Variants in RCOR1 observed in about 807,000 individuals in gnomAD.
RCOR1 encodes the protein REST corepressor 1, also known as REST corepressor.
In RCOR1, 12 loss-of-function variants were observed where a neutral mutation model predicts 64.0. The observed-to-expected ratio is 0.19, with a 90% CI of 0.12 to 0.30. The LOEUF (loss-of-function observed/expected upper bound fraction) is 0.30. RCOR1 is among the 10% of genes least tolerant of loss of function. RCOR1 has a pLI of 1.00. For synonymous variants in RCOR1, 279 were observed against 227.2 expected (o/e 1.23, Z -2.05); for missense variants, 502 against 621.2 (o/e 0.81, Z 2.04).
intron 4 of RCOR1, among the ~76,000 whole-genome samples, chr14:102,702,706 A>G (rs777035638): frequency 7.8e-4 from 118 of 152,168 alleles, no homozygotes; most frequent in Admixed American, 1.6e-3. Context: ...CAAGCCTACA[A>G]CCAAAAGAAA....
At chr14:102,694,699 G>A (rs1009480046) in intron 3 of RCOR1, among the ~76,000 whole-genome samples, 2 of 152,180 alleles carry the variant, frequency 1.3e-5, no homozygotes, top group African/African-American at 4.8e-5. Context: ...GAGAGGGAGC[G>A]TTCAGATGTT....
rs1243458495 is a variant in RCOR1, at chr14:102,592,662, T to G, written c.-225T>G. ...CCCGGAGTAGTTGGTGCCAGTGAAG[T>G]GAGGGCGGCGATGAGAGCGAAAGTT... On this transcript the variant is annotated 5_prime_UTR_variant, in exon 1 of 12. Transcript: ENST00000262241. 8.2e-7 allele frequency: 1 copy of G among 1,226,216 alleles called. No homozygotes were observed. The highest frequency in any genetic ancestry group is 1.6e-5 in the African/African-American group (1 of 63,668). 76.0% of individuals were successfully genotyped at this position (1,226,216 alleles called of 1,614,324 possible).
At chr14:102,682,822 T>C (rs74082490) in intron 3 of RCOR1, among the ~76,000 whole-genome samples, 3,191 of 152,312 alleles carry the variant, frequency 0.021, 111 homozygotes, top group African/African-American at 0.073. Flanking sequence ...AGGAAGATTT[T>C]TTCTCTGTTT....
chr14:102,680,200 A>T (rs1195173139), intron 2 of RCOR1, among the ~76,000 whole-genome samples: 1 of 152,098 alleles, frequency 6.6e-6, no homozygotes, highest in Non-Finnish European at 1.5e-5. Flanking sequence ...GTATATAGAA[A>T]TAGAATTGAC....
At chr14:102,668,476 A>G (rs919517481) in intron 2 of RCOR1, among the ~76,000 whole-genome samples, 4 of 152,194 alleles carry the variant, frequency 2.6e-5, no homozygotes, top group Admixed American at 1.3e-4. Flanking sequence ...GGGTAATACA[A>G]TACAAAGTAA....
In RCOR1 at chr14:102,593,341, G is replaced by C; in HGVS notation, c.361+16G>C. On this transcript the variant is annotated intron_variant, in intron 2 of 11. Transcript: ENST00000262241. ...TTCGACCCCGGTGAGTAGCGGCCCCGGCCGGCCGGCGGCGGGGATGAGCGG... is the reference window on the plus strand; with the variant it reads ...TTCGACCCCGGTGAGTAGCGGCCCCCGCCGGCCGGCGGCGGGGATGAGCGG... 2 of 1,526,898 alleles carry C rather than the reference G, an allele frequency of 1.3e-6. No homozygotes were observed. Among genetic ancestry groups the C allele is most frequent in the Non-Finnish European group, 1.7e-6 (2 of 1,145,418 alleles). The allele number at this position is 1,526,898 out of a possible 1,614,324, so 94.6% of individuals were successfully genotyped here.
intron 2 of RCOR1, among the ~76,000 whole-genome samples, chr14:102,651,420 GCGGGTGC>G (rs1894587802): frequency 1.3e-5 from 2 of 152,084 alleles, no homozygotes; most frequent in African/African-American, 4.8e-5. Context: ...GGGCGTGGTG[GCGGGTGC>G]CTGTAATCCC....
chr14:102,647,742 G>A (rs896015418), intron 2 of RCOR1, among the ~76,000 whole-genome samples: 2 of 152,160 alleles, frequency 1.3e-5, no homozygotes, highest in African/African-American at 4.8e-5. Context: ...CCAGTGGCAA[G>A]ATCTCCACTC....
intron 2 of RCOR1, among the ~76,000 whole-genome samples, chr14:102,601,371 G>A (rs1233060737): frequency 6.6e-6 from 1 of 152,150 alleles, no homozygotes; most frequent in Admixed American, 6.5e-5. Context: ...CCTCATTCCC[G>A]CCTTCTTTCT....
chr14:102,724,684 T>C (rs1456142506), intron 11 of RCOR1, among the ~76,000 whole-genome samples: 1 of 152,218 alleles, frequency 6.6e-6, no homozygotes, highest in East Asian at 1.9e-4. Context: ...ACCCCTGCCC[T>C]GCCACCTAGT....
chr14:102,676,787 C>T (rs1895174605), intron 2 of RCOR1, among the ~76,000 whole-genome samples: 1 of 91,116 alleles, frequency 1.1e-5, no homozygotes, highest in Non-Finnish European at 2.2e-5. Context: ...GGGGTCCTCA[C>T]TTCCCAGTAG....
At chr14:102,607,265 G>C (rs1041658484) in intron 2 of RCOR1, among the ~76,000 whole-genome samples, 2 of 152,112 alleles carry the variant, frequency 1.3e-5, no homozygotes, top group African/African-American at 4.8e-5. Flanking sequence ...ATTTGATAAG[G>C]ACCAAGTGCA....
chr14:102,702,751 G>A (rs1458264006), intron 4 of RCOR1, among the ~76,000 whole-genome samples: 1 of 152,142 alleles, frequency 6.6e-6, no homozygotes, highest in Non-Finnish European at 1.5e-5. Flanking sequence ...AAACCCTGAG[G>A]AAGAGTGTGA....
intron 2 of RCOR1, among the ~76,000 whole-genome samples, chr14:102,634,628 GTA>G (rs1322962767): frequency 6.7e-6 from 1 of 150,132 alleles, no homozygotes; most frequent in African/African-American, 2.5e-5. Context: ...ATGTGTGTGT[GTA>G]TGTGTGTATA....
At chr14:102,699,582 T>A (rs1895714722) in intron 3 of RCOR1, among the ~76,000 whole-genome samples, 1 of 152,164 alleles carries the variant, frequency 6.6e-6, no homozygotes, top group African/African-American at 2.4e-5. Context: ...AAGCTCAGAC[T>A]TTTATTAGGA....
intron 4 of RCOR1, among the ~76,000 whole-genome samples, 186 bp from the exon 5 acceptor site, chr14:102,707,165 G>C (rs375380180): frequency 6.6e-6 from 1 of 152,136 alleles, no homozygotes; most frequent in South Asian, 2.1e-4. Context: ...TGAAAAAAAA[G>C]TATGTGTATA....
At chr14:102,616,769 C>T (rs1893770614) in intron 2 of RCOR1, among the ~76,000 whole-genome samples, 1 of 152,120 alleles carries the variant, frequency 6.6e-6, no homozygotes, top group African/African-American at 2.4e-5. Context: ...TGTTCAGCTC[C>T]CTGCAAGCTC....
intron 3 of RCOR1, among the ~76,000 whole-genome samples, chr14:102,698,759 A>G (rs976734403): frequency 1.3e-5 from 2 of 152,160 alleles, no homozygotes; most frequent in Admixed American, 6.5e-5. Context: ...GAACCCCCAT[A>G]TTACCTGTGT....
intron 2 of RCOR1, among the ~76,000 whole-genome samples, chr14:102,601,390 TCA>T (rs1893394372): frequency 6.6e-6 from 1 of 152,226 alleles, no homozygotes; most frequent in African/African-American, 2.4e-5. Context: ...CTTCATTAAT[TCA>T]CAGTTGGTTT....
Sources: gnomAD v4.1 joint callset for allele counts (sites outside exome capture counted in the v4.1 genomes callset) on GRCh38, gnomAD v4.1.1 for gene constraint, MANE v1.5 for transcripts, NCBI Gene and HGNC (gene_info 2026-07-23, HGNC 2026-07-21) for gene names.